The following UNC5D variants were observed in gnomAD, a reference collection of about 807,000 sequenced individuals.
UNC5D encodes the protein unc-5 netrin receptor D.
UNC5D carries 39 observed loss-of-function variants against 105.4 expected under a neutral mutation model. The ratio of observed to expected loss-of-function variants is 0.37; its 90% confidence interval spans 0.29 to 0.48. The LOEUF (loss-of-function observed/expected upper bound fraction) is 0.48, where lower values mean the gene tolerates loss of function less well. UNC5D is among the 20% of genes least tolerant of loss of function. The pLI is 0.98. For synonymous variants in UNC5D, 452 were observed against 450.4 expected, an observed-to-expected ratio of 1.00 and a Z score of -0.04; for missense variants, 991 against 1,202.4, an observed-to-expected ratio of 0.82 and a Z score of 2.60.
intron 14 of UNC5D, among the ~76,000 whole-genome samples, chr8:35,763,528 G>A (rs1316516532): frequency 1.3e-5 from 2 of 150,186 alleles, no homozygotes; most frequent in South Asian, 2.1e-4. Context: ...CTTAAGAGCT[G>A]GATCTTGAGT....
chr8:35,415,020 G>A (rs1411310046), intron 1 of UNC5D, among the ~76,000 whole-genome samples: 1 of 152,054 alleles, frequency 6.6e-6, no homozygotes, highest in Non-Finnish European at 1.5e-5. Flanking sequence ...GTACCTGTGG[G>A]TAGACCTCAC....
chr8:35,264,023 A>G (rs1299491224), intron 1 of UNC5D, among the ~76,000 whole-genome samples: 3 of 152,222 alleles, frequency 2.0e-5, no homozygotes, highest in Non-Finnish European at 4.4e-5. Context: ...AACCACTTTT[A>G]TGTTTTGAGA....
rs775338444 is a variant in UNC5D at position 35,767,073 on chromosome 8, C to T, written c.2478+7C>T. The T allele has an allele frequency of 2.5e-6, 4 of 1,607,332 alleles. No individual in the cohort carries two copies. The highest frequency in any genetic ancestry group is 2.2e-5 in the East Asian group (1 of 44,738). On this transcript the variant is annotated splice_region_variant and intron_variant, in intron 15 of 16. Coordinates refer to ENST00000404895, the MANE Select transcript of UNC5D (RefSeq NM_080872.4). The stretch of plus-strand genomic sequence containing the variant: ...GCAGACATCAATCCTAGAGGTGAGT[C>T]CTTGATCTACAGGTCATTTGACCCC...
rs1443776801 is a variant in UNC5D at position 35,492,833 on chromosome 8, TG to T, written c.104-56458del. On this transcript the variant is annotated intron_variant, in intron 1 of 16. Transcript: ENST00000404895. ...CCACAATGGGCAAGTCATGGGAAGG[TG>T]AGGGGCAGAACTGCACTGCAAACAA... 3.9e-5 allele frequency among the ~76,000 whole-genome samples: 6 copies of T among 152,080 alleles called. No individual in the cohort carries two copies. In the East Asian group the frequency reaches 1.2e-3, roughly 30 times the overall value.
chr8:35,355,242 CT>C (rs1234953544), intron 1 of UNC5D, among the ~76,000 whole-genome samples: 1 of 152,040 alleles, frequency 6.6e-6, no homozygotes. Flanking sequence ...GAGCAAGATC[CT>C]AAAGACTGTA....
chr8:35,376,443 G>C (rs541120183), intron 1 of UNC5D, among the ~76,000 whole-genome samples: 1 of 152,260 alleles, frequency 6.6e-6, no homozygotes, highest in African/African-American at 2.4e-5. Flanking sequence ...GGGTGAGTGA[G>C]TAAACAGTGT....
chr8:35,757,526 C>T (rs534451052), intron 13 of UNC5D, among the ~76,000 whole-genome samples: 2 of 152,296 alleles, frequency 1.3e-5, no homozygotes, highest in South Asian at 4.1e-4. Context: ...GTCCTCCCAT[C>T]TGGGTCAGGG....
chr8:35,380,742 G>A (rs972867549), intron 1 of UNC5D, among the ~76,000 whole-genome samples: 1 of 152,128 alleles, frequency 6.6e-6, no homozygotes, highest in African/African-American at 2.4e-5. Flanking sequence ...GGAATAACAT[G>A]CATTGACAAA....
At chr8:35,250,011 G>A (rs897130175) in intron 1 of UNC5D, among the ~76,000 whole-genome samples, 2 of 151,918 alleles carry the variant, frequency 1.3e-5, no homozygotes, top group Non-Finnish European at 1.5e-5. Flanking sequence ...TGCTTTGAAT[G>A]TGTGTGGGCA....
At chr8:35,667,075 A>C (rs1824471264) in intron 4 of UNC5D, among the ~76,000 whole-genome samples, 1 of 152,118 alleles carries the variant, frequency 6.6e-6, no homozygotes, top group Non-Finnish European at 1.5e-5. Flanking sequence ...AATATAGGAG[A>C]GTTTGTTTAC....
chr8:35,723,689 G>C (rs563102470), intron 9 of UNC5D, among the ~76,000 whole-genome samples: 32 of 152,272 alleles, frequency 2.1e-4, no homozygotes, highest in Non-Finnish European at 3.7e-4. Context: ...ATAGGAATGA[G>C]CTACTGGGTC....
intron 2 of UNC5D, among the ~76,000 whole-genome samples, chr8:35,550,011 T>A (rs2130691491): frequency 6.8e-6 from 1 of 147,188 alleles, no homozygotes; most frequent in African/African-American, 2.5e-5. Context: ...GATTACCATA[T>A]CCTAGCAGGA....
chr8:35,678,596 G>A (rs1825436152), intron 4 of UNC5D, among the ~76,000 whole-genome samples: 2 of 151,840 alleles, frequency 1.3e-5, no homozygotes, highest in Admixed American at 6.6e-5. Context: ...GTTTATTATT[G>A]TTTTTGTTTC....
intron 4 of UNC5D, among the ~76,000 whole-genome samples, chr8:35,633,437 A>AT (rs202167016): frequency 9.9e-5 from 15 of 151,402 alleles, no homozygotes; most frequent in Admixed American, 4.6e-4. Context: ...TTTATGTGAG[A>AT]TTTTTTTTTA....
intron 1 of UNC5D, among the ~76,000 whole-genome samples, chr8:35,450,138 C>G (rs925522577): frequency 1.3e-5 from 2 of 151,992 alleles, no homozygotes; most frequent in Non-Finnish European, 2.9e-5. Context: ...TGCCTGAGGA[C>G]AAAAAATGAA....
chr8:35,686,847 A>C, intron 7 of UNC5D, 138 bp downstream of exon 7: 1 of 1,116,118 alleles, frequency 9.0e-7, no homozygotes, highest in Non-Finnish European at 1.2e-6. Flanking sequence ...TAAATTAGGT[A>C]AAAAGTGCAG....
At chr8:35,456,093 T>G (rs941909653) in intron 1 of UNC5D, among the ~76,000 whole-genome samples, 2 of 152,194 alleles carry the variant, frequency 1.3e-5, no homozygotes, top group African/African-American at 4.8e-5. Flanking sequence ...CAGATAATTT[T>G]TAAGGAGGAG....
At chr8:35,401,505 G>A (rs893591363) in intron 1 of UNC5D, among the ~76,000 whole-genome samples, 5 of 152,170 alleles carry the variant, frequency 3.3e-5, no homozygotes, top group Admixed American at 1.3e-4. Context: ...GAAGCTGGGA[G>A]AGAAATACTT....
At chr8:35,741,489 C>A (rs1829759802) in intron 11 of UNC5D, among the ~76,000 whole-genome samples, 1 of 152,130 alleles carries the variant, frequency 6.6e-6, no homozygotes, top group South Asian at 2.1e-4. Context: ...GCTCCTTTTC[C>A]TGCCCCTATG....
Sources: gnomAD v4.1 joint callset for allele counts (sites outside exome capture counted in the v4.1 genomes callset) on GRCh38, gnomAD v4.1.1 for gene constraint, MANE v1.5 for transcripts, NCBI Gene and HGNC (gene_info 2026-07-23, HGNC 2026-07-21) for gene names.